The following ZBTB20 variants were observed in gnomAD, a reference collection of about 807,000 sequenced individuals.
The protein encoded by ZBTB20 is zinc finger and BTB domain-containing protein 20.
In ZBTB20, 9 loss-of-function variants were observed where a neutral mutation model predicts 56.9. The ratio of observed to expected loss-of-function variants is 0.16; its 90% CI spans 0.10 to 0.28. The LOEUF (loss-of-function observed/expected upper bound fraction) is 0.28, where lower values mean the gene tolerates loss of function less well. Ranked by LOEUF, ZBTB20 falls within the 10% of genes least tolerant of loss-of-function variation. The pLI is 1.00. For missense variants in ZBTB20, 655 were observed against 1,003.0 expected, an observed-to-expected ratio of 0.65 and a Z score of 4.69; for synonymous variants, 417 against 420.7, an observed-to-expected ratio of 0.99 and a Z score of 0.11.
intron 6 of ZBTB20, among the ~76,000 whole-genome samples, chr3:114,515,653 C>T (rs2045904713): frequency 6.6e-6 from 1 of 152,190 alleles, no homozygotes; most frequent in Non-Finnish European, 1.5e-5. Flanking sequence ...ATAGAGAAAA[C>T]AGAGGCCATC....
Position 114,699,109 on chromosome 3 carries a change from A to G in ZBTB20, c.-342-5534T>C, listed in dbSNP as rs139339653. Among the ~76,000 whole-genome samples, 1,100 of 152,278 alleles carry G rather than the reference A, an allele frequency of 7.2e-3. 13 individuals carry two copies. Among genetic ancestry groups the G allele is most frequent in the African/African-American group, 0.024 (1,018 of 41,576 alleles). ...CAGTTGACTTCAGTTCCATTTTATT[A>G]GGAAAAAGCTTAACAAAAATTATAA... On this transcript the variant is annotated intron_variant, in intron 5 of 11. Coordinates refer to ENST00000675478, the MANE Select transcript of ZBTB20 (RefSeq NM_001348800.3).
rs917568097 is a variant in ZBTB20, at chr3:114,995,782, T to C, written c.-506-21366A>G. On this transcript the variant is annotated intron_variant, in intron 2 of 11. Transcript: ENST00000675478. ...AATATACTCATTTTCAAACTTAGTA[T>C]TAATATATTTATTTTGTAGGATACT... 1.3e-4 allele frequency among the ~76,000 whole-genome samples: 20 copies of C among 151,932 alleles called. No individual in the cohort carries two copies. The South Asian group carries it at 3.7e-3, about 28-fold the overall frequency.
intron 7 of ZBTB20, among the ~76,000 whole-genome samples, chr3:114,489,227 T>A (rs2042465098): frequency 6.6e-6 from 1 of 152,086 alleles, no homozygotes; most frequent in South Asian, 2.1e-4. Flanking sequence ...AAACCTGCAA[T>A]AAATACTTAA....
chr3:114,502,352 C>T (rs1017267183), intron 6 of ZBTB20, among the ~76,000 whole-genome samples: 10 of 152,148 alleles, frequency 6.6e-5, no homozygotes, highest in African/African-American at 2.4e-4. Flanking sequence ...GGGACAACTG[C>T]ACTATTGTAG....
chr3:114,915,753 T>G (rs1237823821), intron 3 of ZBTB20, among the ~76,000 whole-genome samples: 1 of 151,940 alleles, frequency 6.6e-6, no homozygotes, highest in Non-Finnish European at 1.5e-5. Context: ...TTTGATATGT[T>G]CTGTTTCCAT....
At chr3:114,526,153 T>A (rs892054705) in intron 6 of ZBTB20, among the ~76,000 whole-genome samples, 1 of 152,214 alleles carries the variant, frequency 6.6e-6, no homozygotes, top group Non-Finnish European at 1.5e-5. Flanking sequence ...CACTTTCTTA[T>A]GTTCAGTCAC....
chr3:114,575,604 A>T (rs77331318), intron 6 of ZBTB20, among the ~76,000 whole-genome samples: 6 of 151,882 alleles, frequency 4.0e-5, no homozygotes, highest in Non-Finnish European at 7.4e-5. Flanking sequence ...AAAAAAAAAA[A>T]ATAGGAACTA....
chr3:114,497,202 C>A (rs2043379869), intron 7 of ZBTB20, among the ~76,000 whole-genome samples: 1 of 152,204 alleles, frequency 6.6e-6, no homozygotes, highest in Non-Finnish European at 1.5e-5. Flanking sequence ...AGGCCTTTGG[C>A]TTTTACCTTT....
At chr3:114,695,941 A>C (rs79350898) in intron 5 of ZBTB20, among the ~76,000 whole-genome samples, 8,718 of 152,142 alleles carry the variant, frequency 0.057, 335 homozygotes, top group Middle Eastern at 0.14. Context: ...CTCTGTAATA[A>C]ATTTATCTGA....
At chr3:115,071,000 GATA>G (rs2082390906) in intron 2 of ZBTB20, among the ~76,000 whole-genome samples, 1 of 149,650 alleles carries the variant, frequency 6.7e-6, no homozygotes, top group Non-Finnish European at 1.5e-5. Flanking sequence ...AAAAAAAAAA[GATA>G]ATAATAATGG....
intron 7 of ZBTB20, among the ~76,000 whole-genome samples, chr3:114,406,226 C>T (rs1488302667): frequency 6.6e-6 from 1 of 152,126 alleles, no homozygotes; most frequent in Non-Finnish European, 1.5e-5. Flanking sequence ...CATTGCCACT[C>T]TATAGTACAG....
At chr3:114,794,846 G>A (rs1190930434) in intron 5 of ZBTB20, among the ~76,000 whole-genome samples, 2 of 151,992 alleles carry the variant, frequency 1.3e-5, no homozygotes, top group Non-Finnish European at 2.9e-5. Context: ...GAATAATGAT[G>A]ATTTATTTTC....
At chr3:115,040,526 C>T (rs2081098628) in intron 2 of ZBTB20, among the ~76,000 whole-genome samples, 1 of 151,960 alleles carries the variant, frequency 6.6e-6, no homozygotes, top group African/African-American at 2.4e-5. Context: ...ATTATGTACT[C>T]AGAGGCATGA....
intron 6 of ZBTB20, among the ~76,000 whole-genome samples, chr3:114,681,317 C>T (rs894910992): frequency 2.0e-5 from 3 of 152,062 alleles, no homozygotes; most frequent in Admixed American, 6.6e-5. Flanking sequence ...TGTGCCACCA[C>T]GCCCGGTTAA....
intron 6 of ZBTB20, among the ~76,000 whole-genome samples, chr3:114,664,604 A>AACACAC (rs377253945): frequency 2.2e-4 from 33 of 149,034 alleles, no homozygotes; most frequent in African/African-American, 7.1e-4. Context: ...CCACCTCCCC[A>AACACAC]ACACACACAC....
At chr3:115,046,596 G>GAC (rs2081342201) in intron 2 of ZBTB20, among the ~76,000 whole-genome samples, 1 of 152,074 alleles carries the variant, frequency 6.6e-6, no homozygotes. Context: ...GACTTAATAA[G>GAC]ACTACTTGAA....
chr3:114,569,407 T>C (rs927555060), intron 6 of ZBTB20, among the ~76,000 whole-genome samples: 1 of 152,204 alleles, frequency 6.6e-6, no homozygotes, highest in African/African-American at 2.4e-5. Context: ...ACCAACAAAC[T>C]TTGCCACGAA....
chr3:114,376,070 G>A (rs968809702), intron 10 of ZBTB20, among the ~76,000 whole-genome samples: 6 of 152,190 alleles, frequency 3.9e-5, no homozygotes, highest in African/African-American at 1.2e-4. Flanking sequence ...TGACTGGCAC[G>A]GAAGTCCGGA....
chr3:115,143,329 G>A (rs1008035991), intron 1 of ZBTB20, among the ~76,000 whole-genome samples: 10 of 151,978 alleles, frequency 6.6e-5, no homozygotes, highest in South Asian at 2.1e-4. Context: ...CTTTAATGTC[G>A]CCTATAAACT....
Sources: allele counts gnomAD v4.1 joint callset (sites outside exome capture counted in the v4.1 genomes callset), GRCh38; gene constraint gnomAD v4.1.1; transcripts MANE v1.5; gene names NCBI Gene and HGNC (gene_info 2026-07-23, HGNC 2026-07-21).